Variants in ADGRL2 observed in about 807,000 individuals in gnomAD.
ADGRL2 encodes the protein adhesion G protein-coupled receptor L2.
Under a neutral mutation model 157.4 loss-of-function variants are expected in ADGRL2, and 44 were observed. The observed-to-expected ratio is 0.28, with a 90% confidence interval of 0.22 to 0.36. The LOEUF (loss-of-function observed/expected upper bound fraction) is 0.36. Ranked by LOEUF, ADGRL2 falls within the 10% of genes least tolerant of loss-of-function variation. The pLI is 1.00. For synonymous variants in ADGRL2, 585 were observed against 624.7 expected (o/e 0.94, Z 0.95); for missense variants, 1,510 against 1,768.9 (o/e 0.85, Z 2.63).
In ADGRL2 at chr1:81,986,893, T is replaced by TA; in HGVS notation, c.3509-7dup. 6.3e-7 allele frequency: 1 copy of TA among 1,592,948 alleles called. No individual in the cohort carries two copies. The highest frequency in any genetic ancestry group is 1.2e-5 in the South Asian group (1 of 86,898). On this transcript the variant is annotated splice_polypyrimidine_tract_variant and splice_region_variant and intron_variant, in intron 21 of 23. Coordinates refer to ENST00000686636, the MANE Select transcript of ADGRL2 (RefSeq NM_001366006.2). ...CTGTTTTTTTGTTGTTTTTTTTTTT[T>TA]ACTTTAGGAATGACTGGCAATTACC...
At chr1:81,371,179 A>G (rs1219640034) in intron 1 of ADGRL2, among the ~76,000 whole-genome samples, 1 of 152,198 alleles carries the variant, frequency 6.6e-6, no homozygotes, top group Non-Finnish European at 1.5e-5. Context: ...AGCCAAGGCT[A>G]CTAGAACCGA....
chr1:81,882,637 C>T (rs2094017330), intron 2 of ADGRL2, among the ~76,000 whole-genome samples: 1 of 152,130 alleles, frequency 6.6e-6, no homozygotes, highest in Non-Finnish European at 1.5e-5. Context: ...CCCCTCTCAA[C>T]CAGTTCTGGT....
chr1:81,612,181 C>T (rs1472070875), intron 3 of ADGRL2, among the ~76,000 whole-genome samples: 1 of 152,128 alleles, frequency 6.6e-6, no homozygotes, highest in Non-Finnish European at 1.5e-5. Context: ...TTATCAAATA[C>T]TCCCCTGGTG....
At position 81,849,882 on chromosome 1, in the gene ADGRL2, C is replaced by T. The variant is rs774067160; in HGVS notation, c.73+12825C>T. Among the ~76,000 whole-genome samples, 8 of 151,822 alleles carry T rather than the reference C, an allele frequency of 5.3e-5. 1 individual carries two copies. In the South Asian group the frequency reaches 8.3e-4, roughly 16 times the overall value. ...TTAGAAGATAAATACATACAAATAA[C>T]GTGAATGACTAGTACCTATTTAATT... On this transcript the variant is annotated intron_variant, in intron 2 of 23. Transcript: ENST00000686636.
chr1:81,818,491 G>A (rs756055807), intron 1 of ADGRL2, among the ~76,000 whole-genome samples: 37 of 152,218 alleles, frequency 2.4e-4, no homozygotes, highest in South Asian at 1.0e-3. Context: ...CAAAAAATAC[G>A]CATTTGCTTG....
intron 5 of ADGRL2, chr1:81,942,735 A>T: frequency 1.8e-6 from 1 of 562,966 alleles, no homozygotes; most frequent in Middle Eastern, 2.8e-4. Flanking sequence ...AAATGATCTT[A>T]AACTTAGGCT....
intron 2 of ADGRL2, among the ~76,000 whole-genome samples, chr1:81,560,462 G>A (rs1262096159): frequency 6.6e-6 from 1 of 152,136 alleles, no homozygotes; most frequent in Non-Finnish European, 1.5e-5. Context: ...TAGCGGCCTA[G>A]AGCATCGTAT....
At chr1:81,558,411 T>C (rs971761441) in intron 2 of ADGRL2, among the ~76,000 whole-genome samples, 2 of 152,212 alleles carry the variant, frequency 1.3e-5, no homozygotes, top group Non-Finnish European at 2.9e-5. Flanking sequence ...TAAACAGTCA[T>C]TTGAATGTCA....
At chr1:81,748,224 A>G (rs537364818) in intron 1 of ADGRL2, among the ~76,000 whole-genome samples, 4 of 152,182 alleles carry the variant, frequency 2.6e-5, no homozygotes, top group Admixed American at 2.6e-4. Context: ...CACGCCTGTA[A>G]TCCCAGCATT....
At chr1:81,397,615 A>G (rs113728881) in intron 1 of ADGRL2, among the ~76,000 whole-genome samples, 15 of 152,136 alleles carry the variant, frequency 9.9e-5, no homozygotes, top group African/African-American at 3.6e-4. Context: ...CACTGCGCCC[A>G]GCCCTTATAA....
intron 1 of ADGRL2, among the ~76,000 whole-genome samples, chr1:81,350,838 A>G (rs1203967249): frequency 6.6e-6 from 1 of 152,178 alleles, no homozygotes; most frequent in Non-Finnish European, 1.5e-5. Context: ...CATTATCGCA[A>G]TAGCATGGGT....
intron 1 of ADGRL2, among the ~76,000 whole-genome samples, chr1:81,719,037 A>G (rs1184078379): frequency 1.3e-5 from 2 of 152,146 alleles, no homozygotes; most frequent in African/African-American, 4.8e-5. Context: ...ATTTTTTATT[A>G]TTTTTAATTG....
intron 2 of ADGRL2, among the ~76,000 whole-genome samples, chr1:81,853,094 T>C (rs548067203): frequency 1.1e-3 from 169 of 152,236 alleles, no homozygotes; most frequent in African/African-American, 3.9e-3. Flanking sequence ...CTGCATTCTT[T>C]TGGGGTATCT....
intron 1 of ADGRL2, chr1:81,722,821 T>G (rs2084379241): frequency 1.4e-6 from 1 of 712,188 alleles, no homozygotes; most frequent in Admixed American, 2.0e-5. Context: ...TCACTATGGC[T>G]CTTTTCCAGG....
At chr1:81,687,337 A>G (rs892283455) in intron 3 of ADGRL2, among the ~76,000 whole-genome samples, 3 of 152,110 alleles carry the variant, frequency 2.0e-5, no homozygotes, top group Admixed American at 6.6e-5. Context: ...TTAGGTGCAT[A>G]TATGTTTAGG....
At chr1:81,385,955 A>G (rs1307593419) in intron 1 of ADGRL2, among the ~76,000 whole-genome samples, 1 of 152,140 alleles carries the variant, frequency 6.6e-6, no homozygotes, top group Non-Finnish European at 1.5e-5. Context: ...GTCTGAGACC[A>G]CATAGCTCGA....
chr1:81,833,734 T>C (rs1375450501), intron 1 of ADGRL2, among the ~76,000 whole-genome samples: 2 of 152,188 alleles, frequency 1.3e-5, no homozygotes, highest in African/African-American at 2.4e-5. Context: ...GGAAGCAGGT[T>C]ACTGTCTGAA....
At chr1:81,472,684 C>T (rs987568349) in intron 2 of ADGRL2, among the ~76,000 whole-genome samples, 19 of 152,168 alleles carry the variant, frequency 1.2e-4, no homozygotes, top group African/African-American at 4.3e-4. Flanking sequence ...TGCATTTAAT[C>T]TCTAGTCTGT....
intron 3 of ADGRL2, among the ~76,000 whole-genome samples, chr1:81,646,111 G>A (rs1351481629): frequency 3.9e-5 from 6 of 151,992 alleles, no homozygotes; most frequent in Non-Finnish European, 7.4e-5. Flanking sequence ...ACTCCCATAT[G>A]GCCTCATGAC....
Sources: allele counts gnomAD v4.1 joint callset (sites outside exome capture counted in the v4.1 genomes callset), GRCh38; gene constraint gnomAD v4.1.1; transcripts MANE v1.5; gene names NCBI Gene and HGNC (gene_info 2026-07-23, HGNC 2026-07-21).